Variants in GMPR observed in about 807,000 individuals in gnomAD.
The protein encoded by GMPR is GMP reductase 1.
In GMPR, 31 loss-of-function variants were observed where a neutral mutation model predicts 38.4. The observed-to-expected ratio is 0.81, with a 90% CI of 0.61 to 1.09. GMPR has a LOEUF of 1.09. Ranked by LOEUF, GMPR falls within the 50% of genes least tolerant of loss-of-function variation. The probability of loss-of-function intolerance (pLI) is 0.00; values close to 1 mark genes in which losing one functional copy is unlikely to be tolerated. For synonymous variants in GMPR, 162 were observed against 173.3 expected (o/e 0.93, Z 0.51); for missense variants, 468 against 453.7 (o/e 1.03, Z -0.29).
At chr6:16,254,901 G>A (rs1758945816) in intron 4 of GMPR, among the ~76,000 whole-genome samples, 166 bp downstream of exon 4, 1 of 152,140 alleles carries the variant, frequency 6.6e-6, no homozygotes, top group African/African-American at 2.4e-5. Context: ...CGCTGCGGAA[G>A]ATCTGAAAAC....
chr6:16,278,924 CTT>C, intron 6 of GMPR, 34 bp downstream of exon 6: 2 of 1,333,880 alleles, frequency 1.5e-6, no homozygotes, highest in Non-Finnish European at 2.1e-6. Context: ...GCTGGGGTGT[CTT>C]GGGAGGCCCC....
At chr6:16,289,239 G>A (rs1328993686) in intron 7 of GMPR, among the ~76,000 whole-genome samples, 8 of 152,180 alleles carry the variant, frequency 5.3e-5, no homozygotes. Context: ...CCACCTTATA[G>A]AGCTGTTACA....
intron 4 of GMPR, chr6:16,263,426 C>T (rs1009902132): frequency 2.0e-5 from 3 of 151,660 alleles, no homozygotes; most frequent in African/African-American, 7.3e-5. Context: ...TTTTTGAGGA[C>T]ACAGGCTAAG....
intron 8 of GMPR, among the ~76,000 whole-genome samples, chr6:16,290,967 T>A (rs1482066473): frequency 6.6e-6 from 1 of 152,192 alleles, no homozygotes; most frequent in Non-Finnish European, 1.5e-5. Context: ...TAAGCTTAGA[T>A]CTCTGGCTTG....
At chr6:16,260,912 C>T (rs1759070976) in intron 4 of GMPR, among the ~76,000 whole-genome samples, 1 of 151,766 alleles carries the variant, frequency 6.6e-6, no homozygotes, top group Non-Finnish European at 1.5e-5. Flanking sequence ...AATTGTGGGA[C>T]TTAACAAAGA....
At chr6:16,254,465 TTGTTGTAC>T in intron 3 of GMPR, 89 bp from the exon 4 acceptor site, 1 of 1,004,924 alleles carries the variant, frequency 1.0e-6, no homozygotes, top group Non-Finnish European at 1.5e-6. Flanking sequence ...CCGAAAAGGG[TTGTTGTAC>T]TGTCCCAGAA....
intron 8 of GMPR, among the ~76,000 whole-genome samples, chr6:16,291,364 C>A (rs1290345304): frequency 6.6e-6 from 1 of 152,130 alleles, no homozygotes; most frequent in East Asian, 1.9e-4. Context: ...ACTGGGATTA[C>A]AGGTACCCCC....
intron 2 of GMPR, among the ~76,000 whole-genome samples, chr6:16,249,463 C>G (rs1403033422): frequency 6.6e-6 from 1 of 152,166 alleles, no homozygotes; most frequent in African/African-American, 2.4e-5. Context: ...TGCCACCACG[C>G]TTAGCAAATT....
At chr6:16,256,257 T>C (rs1229890123) in intron 4 of GMPR, among the ~76,000 whole-genome samples, 1 of 148,168 alleles carries the variant, frequency 6.7e-6, no homozygotes, top group Non-Finnish European at 1.5e-5. Flanking sequence ...GGCTAATGCC[T>C]GTAATCCCAG....
intron 4 of GMPR, among the ~76,000 whole-genome samples, chr6:16,260,003 T>C (rs565885849): frequency 2.6e-4 from 39 of 152,168 alleles, no homozygotes; most frequent in South Asian, 8.3e-4. Flanking sequence ...ACAAGTTTTT[T>C]TGGGGCACAG....
chr6:16,267,341 C>T (rs1025743631), intron 4 of GMPR, among the ~76,000 whole-genome samples: 48 of 152,026 alleles, frequency 3.2e-4, no homozygotes, highest in African/African-American at 9.4e-4. Context: ...CACTGCACTC[C>T]GGCCTGGGTG....
At chr6:16,289,847 AATTTTTTTTTTTTTTTTTTT>A (rs1759800412) in intron 7 of GMPR, 1 of 90,124 alleles carries the variant, frequency 1.1e-5, no homozygotes, top group Non-Finnish European at 2.1e-5. Flanking sequence ...GATACTGCCC[AATTTTTTTTTTTTTTTTTTT>A]TTTTTTTTTT....
intron 4 of GMPR, among the ~76,000 whole-genome samples, chr6:16,269,840 C>T (rs1053131371): frequency 3.9e-5 from 6 of 152,168 alleles, no homozygotes; most frequent in African/African-American, 1.4e-4. Context: ...TTTATTTTCA[C>T]AGTTCTGAAG....
intron 7 of GMPR, among the ~76,000 whole-genome samples, chr6:16,286,391 G>GGC (rs747275866): frequency 6.6e-4 from 100 of 151,956 alleles, no homozygotes; most frequent in Non-Finnish European, 1.2e-3. Context: ...AGTAAAGTAC[G>GGC]GCTGCCGAGC....
intron 6 of GMPR, 134 bp downstream of exon 6, chr6:16,279,024 G>T (rs1759529830): frequency 1.6e-5 from 10 of 623,492 alleles, no homozygotes; most frequent in South Asian, 1.3e-4. Flanking sequence ...CTGACATTCA[G>T]CAGAAACAGA....
intron 8 of GMPR, among the ~76,000 whole-genome samples, chr6:16,294,084 A>G (rs185869732): frequency 5.3e-5 from 8 of 152,322 alleles, no homozygotes; most frequent in African/African-American, 1.7e-4. Flanking sequence ...CTTTGTGAAG[A>G]GAGGGACATG....
chr6:16,285,731 A>G, intron 6 of GMPR, 62 bp from the exon 7 acceptor site: 1 of 1,374,294 alleles, frequency 7.3e-7, no homozygotes, highest in Non-Finnish European at 1.0e-6. Flanking sequence ...ATCTGGGGGG[A>G]GGGGACAGCC....
At chr6:16,254,766 T>G in intron 4 of GMPR, 31 bp downstream of exon 4, 1 of 1,538,976 alleles carries the variant, frequency 6.5e-7, no homozygotes. Context: ...CGGTAGAACA[T>G]TCTCAAGATG....
rs539388767 is a variant in GMPR at position 16,287,566 on chromosome 6, T to C, written c.697+1731T>C. On this transcript the variant is annotated intron_variant, in intron 7 of 8. Coordinates refer to ENST00000259727, the MANE Select transcript of GMPR (RefSeq NM_006877.4). The stretch of plus-strand genomic sequence containing the variant: ...CAAGGGTGTCCCGAAATGAAAATGG[T>C]TGGGAACCCCCTCAAAGCATTCTTT... Among the ~76,000 whole-genome samples, 4 of 152,268 alleles carry C rather than the reference T, an allele frequency of 2.6e-5. No individual in the cohort carries two copies. The East Asian group carries it at 5.8e-4, about 22-fold the overall frequency.
Sources: gnomAD v4.1 joint callset for allele counts (sites outside exome capture counted in the v4.1 genomes callset) on GRCh38, gnomAD v4.1.1 for gene constraint, MANE v1.5 for transcripts, NCBI Gene and HGNC (gene_info 2026-07-23, HGNC 2026-07-21) for gene names.